Variants in SBF2 observed in about 807,000 individuals in gnomAD.
SBF2 encodes the protein SET binding factor 2.
Under a neutral mutation model 225.2 loss-of-function variants are expected in SBF2, and 112 were observed. The ratio of observed to expected loss-of-function variants is 0.50; its 90% CI spans 0.43 to 0.58. SBF2 has a LOEUF of 0.58. SBF2 is among the 20% of genes least tolerant of loss of function. The pLI, the probability that SBF2 is intolerant of heterozygous loss-of-function variation, is 0.00. For synonymous variants in SBF2, 763 were observed against 773.3 expected (o/e 0.99, Z 0.22); for missense variants, 1,996 against 2,206.2 (o/e 0.90, Z 1.91).
rs1946823989 is a variant in SBF2, at chr11:9,979,010, A to T, written c.1396-10465T>A. ...TGAGATCTTGTCTCAAACAAACAAA[A>T]AGAACAACATGTAAAGTCAACTACT... is the stretch of plus-strand genomic sequence containing the variant. On this transcript the variant is annotated intron_variant, in intron 13 of 39. Transcript: ENST00000256190. Among the ~76,000 whole-genome samples the T allele has an allele frequency of 1.3e-5, 2 of 152,250 alleles. 1 individual carries two copies. The highest frequency in any genetic ancestry group is 4.1e-4 in the South Asian group (2 of 4,830).
chr11:10,056,056 A>G (rs11042601), intron 2 of SBF2, among the ~76,000 whole-genome samples: 30,359 of 152,154 alleles, frequency 0.2, 3,923 homozygotes, highest in Non-Finnish European at 0.29. Context: ...ATACCCTGCA[A>G]ACTAATTATA....
chr11:9,854,959 T>A (rs937748593), intron 19 of SBF2, among the ~76,000 whole-genome samples: 6 of 152,104 alleles, frequency 3.9e-5, no homozygotes, highest in Admixed American at 3.3e-4. Flanking sequence ...TCACTGGCAA[T>A]GGAGAATGGA....
At chr11:10,159,195 C>T (rs80261823) in intron 2 of SBF2, among the ~76,000 whole-genome samples, 11,459 of 152,168 alleles carry the variant, frequency 0.075, 609 homozygotes, top group East Asian at 0.28. Context: ...CTTGTTTGTT[C>T]CTTGGCGTAG....
intron 2 of SBF2, among the ~76,000 whole-genome samples, chr11:10,171,057 T>A (rs1022366974): frequency 2.0e-5 from 3 of 152,184 alleles, no homozygotes; most frequent in Non-Finnish European, 4.4e-5. Flanking sequence ...TTTACATTTT[T>A]CCAGATATAA....
intron 29 of SBF2, 106 bp downstream of exon 29, chr11:9,816,734 A>G: frequency 1.9e-6 from 2 of 1,063,460 alleles, no homozygotes; most frequent in South Asian, 3.0e-5. Context: ...CCAGGTTAAG[A>G]ATCATGCTGT....
intron 1 of SBF2, among the ~76,000 whole-genome samples, chr11:10,211,728 C>T (rs1957950562): frequency 6.6e-6 from 1 of 152,094 alleles, no homozygotes; most frequent in Non-Finnish European, 1.5e-5. Context: ...ACTGACCTAA[C>T]CATGGAGGCA....
chr11:10,299,644 C>T (rs976603913), intron 1 of SBF2, among the ~76,000 whole-genome samples: 4 of 150,634 alleles, frequency 2.7e-5, no homozygotes, highest in East Asian at 2.0e-4. Flanking sequence ...GAGAGCAGGC[C>T]GTGTGCTACT....
intron 6 of SBF2, among the ~76,000 whole-genome samples, chr11:10,017,327 A>G (rs1948694480): frequency 6.6e-6 from 1 of 152,252 alleles, no homozygotes; most frequent in South Asian, 2.1e-4. Flanking sequence ...AAAACAGAAT[A>G]TAGTTCAAAA....
intron 33 of SBF2, among the ~76,000 whole-genome samples, chr11:9,791,436 A>G (rs923816355): frequency 5.3e-5 from 8 of 151,938 alleles, no homozygotes; most frequent in East Asian, 3.8e-4. Flanking sequence ...AAAAAAAAAA[A>G]AAAAGACTCA....
intron 2 of SBF2, among the ~76,000 whole-genome samples, chr11:10,086,695 T>G (rs1223481334): frequency 6.6e-6 from 1 of 152,208 alleles, no homozygotes; most frequent in Non-Finnish European, 1.5e-5. Context: ...ATGGAGTTGT[T>G]GAGGACACTG....
upstream of SBF2, among the ~76,000 whole-genome samples, chr11:10,295,607 T>G (rs1964490053): frequency 6.6e-6 from 1 of 151,174 alleles, no homozygotes; most frequent in Admixed American, 6.6e-5. Context: ...AAAACCTCAG[T>G]CATACCCCGT....
At chr11:10,097,143 G>C (rs1461719291) in intron 2 of SBF2, among the ~76,000 whole-genome samples, 4 of 152,092 alleles carry the variant, frequency 2.6e-5, no homozygotes, top group Non-Finnish European at 5.9e-5. Context: ...CCTTAAAATG[G>C]AGCTTGAGGA....
At position 10,280,200 on chromosome 11, in the gene SBF2, C is replaced by T. The variant is rs117632312; in HGVS notation, c.55+13815G>A. On this transcript the variant is annotated intron_variant, in intron 1 of 39. Transcript: ENST00000256190. ...ATTTCAGATTTTCAGATTAGGGATA[C>T]TCAACCTGTATCTCCAAGATTAACG... 2.8e-3 allele frequency among the ~76,000 whole-genome samples: 320 copies of T among 116,342 alleles called. 1 individual carries two copies. The highest frequency in any genetic ancestry group is 0.013 in the South Asian group (51 of 3,832). The allele number at this position is 116,342 out of a possible 152,430, so 76.3% of individuals were successfully genotyped here.
intron 16 of SBF2, among the ~76,000 whole-genome samples, chr11:9,938,622 A>C (rs961815420): frequency 6.6e-6 from 1 of 152,226 alleles, no homozygotes; most frequent in African/African-American, 2.4e-5. Flanking sequence ...ATACATGACA[A>C]ATATTATAGT....
intron 9 of SBF2, among the ~76,000 whole-genome samples, chr11:9,994,366 T>C (rs1307161291): frequency 2.0e-5 from 3 of 151,330 alleles, no homozygotes; most frequent in Non-Finnish European, 4.4e-5. Context: ...TCCCAGCTAC[T>C]TGGGAGGCTG....
chr11:10,257,160 T>C (rs55650476), intron 1 of SBF2, among the ~76,000 whole-genome samples: 8,266 of 152,290 alleles, frequency 0.054, 304 homozygotes, highest in Middle Eastern at 0.14. Context: ...ATTCAAACTC[T>C]ATCTCTGTGA....
chr11:9,920,826 G>A (rs566627494), intron 16 of SBF2, among the ~76,000 whole-genome samples: 1 of 152,102 alleles, frequency 6.6e-6, no homozygotes, highest in East Asian at 1.9e-4. Context: ...CCTAGTCAGG[G>A]AAGCATGACA....
chr11:9,916,863 A>G (rs143835893), intron 16 of SBF2, among the ~76,000 whole-genome samples: 3 of 148,258 alleles, frequency 2.0e-5, no homozygotes, highest in African/African-American at 7.9e-5. Flanking sequence ...AGAGTACAGG[A>G]GCAAATTACC....
rs1200169542 is a variant in SBF2, at chr11:10,271,949, G to A, written c.55+22066C>T. ...TAGGACCAGGCCACAGGAAAGGGCT[G>A]AAATATCTCTAAAAGTTAGGTAAAA... On this transcript the variant is annotated intron_variant, in intron 1 of 39. Transcript: ENST00000256190. The A allele has an allele frequency of 1.4e-5, 9 of 630,786 alleles. 3 individuals carry two copies. In the East Asian group the frequency reaches 2.8e-4, roughly 19 times the overall value. 39.1% of individuals were successfully genotyped at this position (630,786 alleles called of 1,614,324 possible).
Sources: gnomAD v4.1 joint callset for allele counts (sites outside exome capture counted in the v4.1 genomes callset) on GRCh38, gnomAD v4.1.1 for gene constraint, MANE v1.5 for transcripts, NCBI Gene and HGNC (gene_info 2026-07-23, HGNC 2026-07-21) for gene names.